TBC1D5: variants seen among roughly 807,000 people sequenced by gnomAD.
The protein encoded by TBC1D5 is TBC1 domain family member 5.
In TBC1D5, 75 loss-of-function variants were observed where a neutral mutation model predicts 100.3. That is an observed-to-expected ratio of 0.75 (90% CI 0.62 to 0.91). The LOEUF is 0.91. Among genes scored for constraint, TBC1D5 ranks in the 40% least tolerant of loss-of-function variants. The pLI is 0.00. For missense variants in TBC1D5, 910 were observed against 942.4 expected (o/e 0.97, Z 0.45); for synonymous variants, 323 against 325.6 (o/e 0.99, Z 0.09).
intron 13 of TBC1D5, among the ~76,000 whole-genome samples, chr3:17,352,449 T>C (rs565648276): frequency 6.6e-6 from 1 of 151,944 alleles, no homozygotes; most frequent in East Asian, 1.9e-4. Context: ...AGAAGAGAAA[T>C]AAATTTTTTA....
chr3:17,454,528 C>T (rs1419019972), intron 3 of TBC1D5, among the ~76,000 whole-genome samples: 3 of 151,938 alleles, frequency 2.0e-5, no homozygotes, highest in African/African-American at 4.8e-5. Flanking sequence ...GGTACGATCT[C>T]GGCTCACTGC....
intron 2 of TBC1D5, among the ~76,000 whole-genome samples, chr3:17,563,207 A>G (rs1250834778): frequency 6.6e-6 from 1 of 152,246 alleles, no homozygotes; most frequent in East Asian, 1.9e-4. Flanking sequence ...AATATAATAA[A>G]TTTAATTCTA....
chr3:17,272,643 G>A (rs2079551560), intron 15 of TBC1D5, among the ~76,000 whole-genome samples: 1 of 152,184 alleles, frequency 6.6e-6, no homozygotes, highest in African/African-American at 2.4e-5. Flanking sequence ...AAAGTTATAT[G>A]AGATGGTAAG....
At chr3:17,698,001 C>T (rs2153849156) in intron 1 of TBC1D5, among the ~76,000 whole-genome samples, 2 of 152,020 alleles carry the variant, frequency 1.3e-5, no homozygotes, top group East Asian at 3.9e-4. Context: ...CCATCCCCAT[C>T]AAGCTACCAA....
chr3:17,339,353 G>A (rs982091811), intron 13 of TBC1D5, among the ~76,000 whole-genome samples: 4 of 152,192 alleles, frequency 2.6e-5, no homozygotes, highest in Admixed American at 1.3e-4. Flanking sequence ...ACCTTGCCAA[G>A]TCCCCTGTGA....
At chr3:17,689,312 G>A (rs1256554983) in intron 1 of TBC1D5, among the ~76,000 whole-genome samples, 1 of 151,932 alleles carries the variant, frequency 6.6e-6, no homozygotes, top group Non-Finnish European at 1.5e-5. Context: ...GGCCAAAGTG[G>A]GCAGATTGCT....
chr3:17,553,063 GTTTACTC>G (rs1170060855), intron 2 of TBC1D5, among the ~76,000 whole-genome samples: 1 of 152,052 alleles, frequency 6.6e-6, no homozygotes, highest in Non-Finnish European at 1.5e-5. Context: ...CATGATAGGT[GTTTACTC>G]TTTATTAGAT....
intron 1 of TBC1D5, among the ~76,000 whole-genome samples, chr3:17,731,392 T>C (rs1317830655): frequency 2.0e-5 from 3 of 151,400 alleles, no homozygotes; most frequent in Non-Finnish European, 4.4e-5. Flanking sequence ...TCCCAGCTAC[T>C]CTACTCAGGA....
chr3:17,713,855 G>T (rs929111041), intron 1 of TBC1D5, among the ~76,000 whole-genome samples: 9 of 152,182 alleles, frequency 5.9e-5, no homozygotes, highest in African/African-American at 1.9e-4. Flanking sequence ...AAATGGCAAA[G>T]TAGGGAGCTC....
chr3:17,185,701 A>AT lies in TBC1D5; in HGVS notation c.1753-494dup, dbSNP rs1553605688. ...AGCCTGGAACCTAGACTTTGTAAAA[A>AT]TAAAAAAAAAATAAAAAAAAAGACA... is the stretch of plus-strand genomic sequence containing the variant. On this transcript the variant is annotated intron_variant, in intron 18 of 21. Transcript: ENST00000253692. Among the ~76,000 whole-genome samples, 327 of 123,862 alleles carry AT rather than the reference A, an allele frequency of 2.6e-3. 2 individuals are homozygous for AT. The highest frequency in any genetic ancestry group is 4.1e-3 in the Non-Finnish European group (220 of 53,752). The allele number at this position is 123,862 out of a possible 152,430, so 81.3% of individuals were successfully genotyped here. A position where few individuals can be genotyped will look rare whatever the true frequency, so the allele number is the denominator to read the frequency against.
At chr3:17,430,733 T>TA (rs1330020927) in intron 3 of TBC1D5, among the ~76,000 whole-genome samples, 3 of 151,944 alleles carry the variant, frequency 2.0e-5, no homozygotes, top group Non-Finnish European at 4.4e-5. Context: ...TATAAACTCT[T>TA]AATTTTAGTA....
At chr3:17,645,945 C>G (rs942752125) in intron 1 of TBC1D5, among the ~76,000 whole-genome samples, 5 of 152,060 alleles carry the variant, frequency 3.3e-5, no homozygotes, top group Non-Finnish European at 7.4e-5. Context: ...AAATCCTATT[C>G]GTTTCTCCTT....
intron 1 of TBC1D5, among the ~76,000 whole-genome samples, chr3:17,694,415 G>GA (rs1234453879): frequency 6.6e-6 from 1 of 152,190 alleles, no homozygotes; most frequent in Non-Finnish European, 1.5e-5. Context: ...ATGTCATGGA[G>GA]ATGAAAACCA....
At chr3:17,706,422 T>TAG (rs113465892) in intron 1 of TBC1D5, among the ~76,000 whole-genome samples, 97 of 151,420 alleles carry the variant, frequency 6.4e-4, no homozygotes, top group African/African-American at 2.1e-3. Context: ...CAACTTTACT[T>TAG]ACACACACAC....
exon 10 of TBC1D5, chr3:17,376,537 G>A: frequency 1.2e-6 from 2 of 1,612,544 alleles, no homozygotes; most frequent in Non-Finnish European, 1.7e-6. Context: ...GGGCTGTGCA[G>A]ACTCACTGGC....
intron 15 of TBC1D5, among the ~76,000 whole-genome samples, chr3:17,261,045 C>G (rs534929625): frequency 1.3e-5 from 2 of 152,298 alleles, no homozygotes; most frequent in Admixed American, 6.5e-5. Context: ...AATGAAACAT[C>G]TGAAACACCC....
intron 1 of TBC1D5, among the ~76,000 whole-genome samples, chr3:17,646,033 A>C (rs1188308493): frequency 1.3e-5 from 2 of 152,118 alleles, no homozygotes; most frequent in Non-Finnish European, 2.9e-5. Context: ...GACCTTATTC[A>C]GAAATAGGGT....
At chr3:17,682,323 T>C (rs2069606857) in intron 1 of TBC1D5, among the ~76,000 whole-genome samples, 1 of 151,462 alleles carries the variant, frequency 6.6e-6, no homozygotes, top group Non-Finnish European at 1.5e-5. Flanking sequence ...AGAAAAACTT[T>C]AGAACTATCC....
rs1209078319 is a variant in TBC1D5 at position 17,404,066 on chromosome 3, AT to A, written c.441+627del. ...GGAAAGTTTTTAAAAATTACTTAAT[AT>A]TTTATGTTCTTATACCGAAGAGTCT... On this transcript the variant is annotated intron_variant, in intron 7 of 21. Coordinates refer to ENST00000253692, the Ensembl canonical transcript of TBC1D5. 1.6e-4 allele frequency among the ~76,000 whole-genome samples: 24 copies of A among 152,258 alleles called. No individual in the cohort carries two copies. The South Asian group carries it at 3.3e-3, about 21-fold the overall frequency.
Sources: gnomAD v4.1 joint callset for allele counts (sites outside exome capture counted in the v4.1 genomes callset) on GRCh38, gnomAD v4.1.1 for gene constraint, MANE v1.5 for transcripts, NCBI Gene and HGNC (gene_info 2026-07-23, HGNC 2026-07-21) for gene names.